Variants in MNDA observed in about 807,000 individuals in gnomAD.
MNDA encodes epididymis secretory sperm binding protein.
Under a neutral mutation model 37.8 loss-of-function variants are expected in MNDA, and 43 were observed. That is an observed-to-expected ratio of 1.14 (90% CI 0.89 to 1.47). The LOEUF (loss-of-function observed/expected upper bound fraction) is 1.47, where lower values mean the gene tolerates loss of function less well. MNDA is among the 40% of genes most tolerant of loss of function. The pLI is 0.00. For missense variants in MNDA, 536 were observed against 476.0 expected, an observed-to-expected ratio of 1.13 and a Z score of -1.17; for synonymous variants, 181 against 169.0, an observed-to-expected ratio of 1.07 and a Z score of -0.55.
At chr1:158,841,485 A>G (rs759088113) in intron 1 of MNDA, among the ~76,000 whole-genome samples, 2 of 152,216 alleles carry the variant, frequency 1.3e-5, no homozygotes, top group South Asian at 2.1e-4. Context: ...AAATGCTGCA[A>G]TTCCACACTA....
At chr1:158,833,430 C>T (rs61830771) in intron 1 of MNDA, among the ~76,000 whole-genome samples, 4,894 of 152,304 alleles carry the variant, frequency 0.032, 119 homozygotes, top group Non-Finnish European at 0.047. Flanking sequence ...ACCTCCAGAA[C>T]GCCTTTGCAT....
Position 158,845,584 on chromosome 1 carries a change from C to T in MNDA, c.571-3C>T, listed in dbSNP as rs754422474. On this transcript the variant is annotated splice_polypyrimidine_tract_variant and splice_region_variant and intron_variant, in intron 4 of 6. Transcript: ENST00000368141. ...TTTATTTTCTTGTGTCTGCCCAACA[C>T]AGAATCAGGAAACCCAGGCCCAACG... The T allele has an allele frequency of 6.2e-6, 10 of 1,607,116 alleles. No individual in the cohort carries two copies. The South Asian group carries it at 1.0e-4, about 16-fold the overall frequency.
chr1:158,840,639 C>T (rs1374535984), intron 1 of MNDA, among the ~76,000 whole-genome samples: 1 of 152,158 alleles, frequency 6.6e-6, no homozygotes, highest in Admixed American at 6.5e-5. Context: ...CCTTCAGTAT[C>T]TTCTTAGGTT....
At chr1:158,832,669 G>T (rs1658827128) in intron 1 of MNDA, among the ~76,000 whole-genome samples, 2 of 151,612 alleles carry the variant, frequency 1.3e-5, no homozygotes, top group South Asian at 2.1e-4. Context: ...GTGAAACTAT[G>T]TACTGATACT....
chr1:158,839,052 T>TAA (rs1176247670), intron 1 of MNDA, among the ~76,000 whole-genome samples: 5 of 152,298 alleles, frequency 3.3e-5, no homozygotes, highest in African/African-American at 1.2e-4. Flanking sequence ...TTTTAGTCTT[T>TAA]GACAAGAAAG....
At chr1:158,837,748 C>T (rs189984391) in intron 1 of MNDA, among the ~76,000 whole-genome samples, 1 of 151,756 alleles carries the variant, frequency 6.6e-6, no homozygotes, top group South Asian at 2.1e-4. Context: ...GAACTTAGAA[C>T]TTATTGTTGC....
Position 158,849,423 on chromosome 1 carries a change from A to T in MNDA, c.*186A>T. On this transcript the variant is annotated 3_prime_UTR_variant, in exon 7 of 7. Transcript: ENST00000368141. ...TTCTGGAATAAAATTTTCTTCTTAT[A>T]CTCTTCCTTTTTTTTAGATATTACA... The T allele has an allele frequency of 4.0e-6, 2 of 493,848 alleles. No homozygotes were observed. The highest frequency in any genetic ancestry group is 3.6e-6 in the Non-Finnish European group (1 of 278,260). The allele number at this position is 493,848 out of a possible 1,614,324, so 30.6% of individuals were successfully genotyped here.
chr1:158,846,553 C>T (rs857872), intron 5 of MNDA, among the ~76,000 whole-genome samples: 78,529 of 151,762 alleles, frequency 0.52, 21,119 homozygotes, highest in East Asian at 0.68. Context: ...ATGAAGATAG[C>T]ATTGAACAAC....
chr1:158,849,213 G>A lies in MNDA; in HGVS notation c.1200G>A (p.Lys400=), dbSNP rs367659098. The change falls in exon 7 of 7, where the codon AAG becomes AAA. Residue 400 remains lysine (K), a synonymous_variant. Transcript: ENST00000368141. ...FIKVIKAKKN[K]EGPMNVN is the part of the protein sequence containing the mutation. ...AGGTCATCAAGGCCAAGAAAAACAAGGAAGGACCAATGAATGTTAATTGAA... is the reference window on the plus strand; with the variant it reads ...AGGTCATCAAGGCCAAGAAAAACAAAGAAGGACCAATGAATGTTAATTGAA... 21 of 1,611,890 alleles carry A rather than the reference G, an allele frequency of 1.3e-5. No homozygotes were observed. The highest frequency in any genetic ancestry group is 1.0e-4 in the Admixed American group (6 of 59,870).
chr1:158,847,364 A>AT (rs1193220432), intron 5 of MNDA, among the ~76,000 whole-genome samples: 1 of 152,218 alleles, frequency 6.6e-6, no homozygotes, highest in Non-Finnish European at 1.5e-5. Context: ...TACTGAATGA[A>AT]TAATTGTAGA....
intron 1 of MNDA, among the ~76,000 whole-genome samples, chr1:158,837,120 G>A (rs1368425191): frequency 6.6e-6 from 1 of 151,774 alleles, no homozygotes; most frequent in Non-Finnish European, 1.5e-5. Context: ...CTAATTTGTG[G>A]TATATGTTGG....
chr1:158,840,536 T>C (rs1292594662), intron 1 of MNDA, among the ~76,000 whole-genome samples: 1 of 152,108 alleles, frequency 6.6e-6, no homozygotes, highest in Non-Finnish European at 1.5e-5. Context: ...TTACTTCACA[T>C]TATATCTCTA....
At chr1:158,834,581 C>T (rs1023266062) in intron 1 of MNDA, among the ~76,000 whole-genome samples, 2 of 152,122 alleles carry the variant, frequency 1.3e-5, no homozygotes, top group East Asian at 3.9e-4. Flanking sequence ...CTTTTTTACT[C>T]TGTTAATTGT....
chr1:158,848,781 C>T (rs1467704912), intron 6 of MNDA, among the ~76,000 whole-genome samples: 1 of 152,060 alleles, frequency 6.6e-6, no homozygotes, highest in African/African-American at 2.4e-5. Flanking sequence ...CATATCCTTA[C>T]TGAAGAGAGC....
Position 158,847,800 on chromosome 1 carries a change from G to C in MNDA, c.1060G>C (p.Gly354Arg). Residue 354 changes from glycine (G) to arginine (R), a missense_variant, in exon 6 of 7, where the codon GGA (glycine) becomes CGA (arginine). Physicochemically the swap from Gly to Arg is moderately radical, Grantham distance 125. Transcript: ENST00000368141. ...AGGATCCATGGATGTAGTGGGGAGT[G>C]GAAAATGGCACAATATCAAGTGTGA... ...NTGSMDVVGS[G>R]KWHNIKCEKG... 1 of 1,614,020 alleles carries C rather than the reference G, an allele frequency of 6.2e-7. No individual in the cohort carries two copies.
At chr1:158,846,514 TTCTA>T (rs1269620021) in intron 5 of MNDA, among the ~76,000 whole-genome samples, 2 of 152,216 alleles carry the variant, frequency 1.3e-5, no homozygotes, top group African/African-American at 2.4e-5. Flanking sequence ...TCAGTTGCCC[TTCTA>T]TCTTATTTAT....
intron 1 of MNDA, among the ~76,000 whole-genome samples, chr1:158,839,955 G>T (rs1338250656): frequency 6.6e-6 from 1 of 152,126 alleles, no homozygotes; most frequent in East Asian, 1.9e-4. Flanking sequence ...ATAACATTTT[G>T]ACCAGATACA....
chr1:158,837,099 T>C (rs1316213966), intron 1 of MNDA, among the ~76,000 whole-genome samples: 1 of 151,892 alleles, frequency 6.6e-6, no homozygotes, highest in East Asian at 1.9e-4. Context: ...TATTAACACT[T>C]GTTTGGCATC....
At chr1:158,831,587 A>G (rs1267761934) in intron 1 of MNDA, 30 bp downstream of exon 1, 1 of 152,224 alleles carries the variant, frequency 6.6e-6, no homozygotes, top group African/African-American at 2.4e-5. Flanking sequence ...CTTTAGAGAA[A>G]GATCTAGGTA....
Sources: allele counts gnomAD v4.1 joint callset (sites outside exome capture counted in the v4.1 genomes callset), GRCh38; gene constraint gnomAD v4.1.1; transcripts MANE v1.5; gene names NCBI Gene and HGNC (gene_info 2026-07-23, HGNC 2026-07-21).